The following PPP2R1A variants were observed in gnomAD, a reference collection of about 807,000 sequenced individuals.
PPP2R1A encodes the protein serine/threonine-protein phosphatase 2A 65 kDa regulatory subunit A alpha isoform.
PPP2R1A carries 15 observed loss-of-function variants against 67.1 expected under a neutral mutation model. That is an observed-to-expected ratio of 0.22 (90% CI 0.15 to 0.34). The LOEUF (loss-of-function observed/expected upper bound fraction) is 0.34. PPP2R1A is among the 10% of genes least tolerant of loss of function. The pLI is 1.00. For synonymous variants in PPP2R1A, 337 were observed against 325.0 expected (o/e 1.04, Z -0.40); for missense variants, 369 against 775.0 (o/e 0.48, Z 6.22).
chr19:52,224,741 C>T (rs530398765), intron 13 of PPP2R1A, among the ~76,000 whole-genome samples: 1 of 152,286 alleles, frequency 6.6e-6, no homozygotes, highest in Admixed American at 6.5e-5. Context: ...GCTCTGTCGC[C>T]CAGACTGGAG....
intron 2 of PPP2R1A, among the ~76,000 whole-genome samples, chr19:52,203,315 A>C (rs1001856719): frequency 1.3e-5 from 2 of 152,196 alleles, no homozygotes; most frequent in African/African-American, 4.8e-5. Context: ...ATGGCCCCAA[A>C]CCAGGTGGCT....
chr19:52,199,255 C>T (rs906966891), intron 1 of PPP2R1A, among the ~76,000 whole-genome samples: 2 of 152,152 alleles, frequency 1.3e-5, no homozygotes, highest in African/African-American at 4.8e-5. Flanking sequence ...CAAGCTCCAC[C>T]TCCCAGGTTC....
chr19:52,216,201 T>C lies in PPP2R1A; in HGVS notation c.993+127T>C. The C allele has an allele frequency of 9.1e-7, 1 of 1,093,616 alleles. No homozygotes were observed. The highest frequency in any genetic ancestry group is 1.6e-5 in the African/African-American group (1 of 64,078). The allele number at this position is 1,093,616 out of a possible 1,614,324, so 67.7% of individuals were successfully genotyped here. ...CAGCCCTCTGGGACCAGGCAGCTCT[T>C]GGGTTTCAAGCAGTTAGGGGTCCTG... On this transcript the variant is annotated intron_variant, in intron 8 of 14. Coordinates refer to ENST00000322088, the MANE Select transcript of PPP2R1A (RefSeq NM_014225.6). The surrounding 1 kb of genome is among the most constrained non-coding windows in gnomAD (Gnocchi z 4.3).
intron 3 of PPP2R1A, among the ~76,000 whole-genome samples, chr19:52,207,768 C>T (rs2089619440): frequency 2.0e-5 from 3 of 152,278 alleles, no homozygotes; most frequent in South Asian, 4.1e-4. Context: ...ATTGTCCGAG[C>T]TGGGAAGAGG....
At chr19:52,200,693 C>A (rs2089538501) in intron 1 of PPP2R1A, among the ~76,000 whole-genome samples, 1 of 152,180 alleles carries the variant, frequency 6.6e-6, no homozygotes, top group Admixed American at 6.5e-5. Context: ...TGAGGGAGAC[C>A]CATTCCATGC....
rs1188440616 is a variant in PPP2R1A at position 52,213,683 on chromosome 19, A to G, written c.807+573A>G. ...TTTTTATTAGAGACGGGGTTTCACC[A>G]TGTTGTTAGCCAGGCTAGTCTCGAA... On this transcript the variant is annotated intron_variant, in intron 6 of 14. Coordinates refer to ENST00000322088, the MANE Select transcript of PPP2R1A (RefSeq NM_014225.6). This position sits in a 1 kb window ranked among gnomAD's most constrained non-coding sequence, Gnocchi z 4.2. 6.6e-6 allele frequency among the ~76,000 whole-genome samples: 1 copy of G among 151,672 alleles called. No homozygotes were observed. The highest frequency in any genetic ancestry group is 1.5e-5 in the Non-Finnish European group (1 of 67,908).
Position 52,211,629 on chromosome 19 carries a change from A to G in PPP2R1A, c.503+137A>G, listed in dbSNP as rs1725397925. The G allele has an allele frequency of 1.2e-6, 1 of 834,494 alleles. No individual in the cohort carries two copies. Among genetic ancestry groups the G allele is most frequent in the Admixed American group, 2.8e-5 (1 of 35,436 alleles). The allele number at this position is 834,494 out of a possible 1,614,324, so 51.7% of individuals were successfully genotyped here. A position where few individuals can be genotyped will look rare whatever the true frequency, so the allele number is the denominator to read the frequency against. ...CACTCCCACTCCTGCTTACCACCTG[A>G]TAGGCCACATCCTCGAGAGTTGGTC... On this transcript the variant is annotated intron_variant, in intron 4 of 14. Coordinates refer to ENST00000322088, the MANE Select transcript of PPP2R1A (RefSeq NM_014225.6). This position sits in a 1 kb window ranked among gnomAD's most constrained non-coding sequence, Gnocchi z 5.3.
At chr19:52,205,353 G>A (rs1175094475) in intron 2 of PPP2R1A, among the ~76,000 whole-genome samples, 19 of 152,114 alleles carry the variant, frequency 1.2e-4, no homozygotes, top group Non-Finnish European at 1.5e-5. Context: ...GTCTGTCTGT[G>A]CTCAGCTCTG....
intron 13 of PPP2R1A, among the ~76,000 whole-genome samples, chr19:52,223,452 C>T (rs1600174484): frequency 6.6e-6 from 1 of 152,268 alleles, no homozygotes; most frequent in South Asian, 2.1e-4. Flanking sequence ...AAAATGCAAG[C>T]CACTGACTGG....
chr19:52,190,353 G>A, intron 1 of PPP2R1A, 179 bp downstream of exon 1: 1 of 712,512 alleles, frequency 1.4e-6, no homozygotes, highest in Non-Finnish European at 2.4e-6. Flanking sequence ...CCGATTGGGT[G>A]TCGGCCCAGT....
intron 9 of PPP2R1A, among the ~76,000 whole-genome samples, chr19:52,217,005 C>G (rs760987778): frequency 6.6e-6 from 1 of 152,104 alleles, no homozygotes; most frequent in Non-Finnish European, 1.5e-5. Flanking sequence ...GCCTGGCCAA[C>G]ATGATGAAAC....
chr19:52,223,664 T>G (rs148483061), intron 13 of PPP2R1A, among the ~76,000 whole-genome samples: 1 of 152,146 alleles, frequency 6.6e-6, no homozygotes, highest in African/African-American at 2.4e-5. Context: ...CAGTGACATA[T>G]GACTACACGC....
rs539855127 is a variant in PPP2R1A, at chr19:52,216,917, C to T, written c.1128+254C>T. Among the ~76,000 whole-genome samples, 4 of 152,252 alleles carry T rather than the reference C, an allele frequency of 2.6e-5. No individual in the cohort carries two copies. Among genetic ancestry groups the T allele is most frequent in the South Asian group, 2.1e-4 (1 of 4,830 alleles). Reference sequence around the variant, plus strand: ...TAAAGTTTTTATTTATGGCCAGGCGCGGTGGCTCACGCCTGTAATCCCAGC... The same window carrying T: ...TAAAGTTTTTATTTATGGCCAGGCGTGGTGGCTCACGCCTGTAATCCCAGC... On this transcript the variant is annotated intron_variant, in intron 9 of 14. Transcript: ENST00000322088. The surrounding 1 kb of genome is among the most constrained non-coding windows in gnomAD (Gnocchi z 4.3).
At chr19:52,207,140 A>G (rs182546015) in intron 3 of PPP2R1A, among the ~76,000 whole-genome samples, 4 of 152,350 alleles carry the variant, frequency 2.6e-5, no homozygotes, top group Admixed American at 2.6e-4. Flanking sequence ...GTATGGACAC[A>G]CAGAAAATTG....
At position 52,199,189 on chromosome 19, in the gene PPP2R1A, C is replaced by CA. The variant is rs2089523984; in HGVS notation, c.79-2754dup. ...ATTTTATTTATTTATTTATTTGAGA[C>CA]AGAGTCTCACTCTGTCACCCAGGCT... On this transcript the variant is annotated intron_variant, in intron 1 of 14. Transcript: ENST00000322088. Among the ~76,000 whole-genome samples the CA allele has an allele frequency of 2.0e-5, 3 of 151,162 alleles. No homozygotes were observed. In the South Asian group the frequency reaches 6.3e-4, roughly 32 times the overall value.
intron 1 of PPP2R1A, chr19:52,191,072 C>T (rs965262387): frequency 1.3e-5 from 2 of 152,176 alleles, no homozygotes; most frequent in African/African-American, 2.4e-5. Flanking sequence ...GTTGGCCAGG[C>T]TTGGTCGGGA....
chr19:52,211,504 C>T lies in PPP2R1A; in HGVS notation c.503+12C>T. The T allele has an allele frequency of 6.3e-7, 1 of 1,596,812 alleles. No individual in the cohort carries two copies. Among genetic ancestry groups the T allele is most frequent in the Non-Finnish European group, 8.6e-7 (1 of 1,169,214 alleles). On this transcript the variant is annotated intron_variant, in intron 4 of 14. Coordinates refer to ENST00000322088, the MANE Select transcript of PPP2R1A (RefSeq NM_014225.6). The surrounding 1 kb of genome is among the most constrained non-coding windows in gnomAD (Gnocchi z 5.3). Reference sequence around the variant, plus strand: ...GCGGAACTTCGACAGTGAGTCTCTGCCTCCTTGGAAGCTCCAAGCTCCCAT... The same window carrying T: ...GCGGAACTTCGACAGTGAGTCTCTGTCTCCTTGGAAGCTCCAAGCTCCCAT...
At chr19:52,221,224 C>G (rs1978906709) in intron 12 of PPP2R1A, 91 bp downstream of exon 12, 2 of 1,532,306 alleles carry the variant, frequency 1.3e-6, no homozygotes, top group South Asian at 1.2e-5. Context: ...AGGGAGACAC[C>G]TGGCTTGGGA....
chr19:52,190,199 G>T (rs770579578), intron 1 of PPP2R1A, 25 bp downstream of exon 1: 6 of 1,548,568 alleles, frequency 3.9e-6, no homozygotes, highest in Non-Finnish European at 4.4e-6. Context: ...GGGGACTTGG[G>T]GAAGACGCGG....
Sources: gnomAD v4.1 joint callset for allele counts (sites outside exome capture counted in the v4.1 genomes callset) on GRCh38, gnomAD v4.1.1 for gene constraint, Gnocchi (gnomAD v3.1) non-coding constraint, MANE v1.5 for transcripts, NCBI Gene and HGNC (gene_info 2026-07-23, HGNC 2026-07-21) for gene names.